Variants in LRRC74B observed in about 807,000 individuals in gnomAD.
The protein encoded by LRRC74B is leucine-rich repeat-containing protein 74B.
LRRC74B carries 30 observed loss-of-function variants against 16.6 expected under a neutral mutation model. That is an observed-to-expected ratio of 1.80 (90% CI 1.35 to 2.45). LRRC74B has a LOEUF of 2.45. Ranked by LOEUF, LRRC74B falls within the 30% of genes most tolerant of loss-of-function variation. The pLI, the probability that LRRC74B is intolerant of heterozygous loss-of-function variation, is 0.00. For missense variants in LRRC74B, 326 were observed against 202.4 expected (o/e 1.61, Z -3.71); for synonymous variants, 134 against 86.0 (o/e 1.56, Z -3.09).
chr22:21,047,093 G>GA (rs57891306), intron 1 of LRRC74B, among the ~76,000 whole-genome samples: 2,484 of 136,330 alleles, frequency 0.018, 66 homozygotes, highest in African/African-American at 0.055. Context: ...AGTCTGTCTC[G>GA]AAAAAAAAAA....
rs372005346 is a variant in LRRC74B at position 21,046,778 on chromosome 22, A to G, written c.140-578A>G. Among the ~76,000 whole-genome samples the G allele has an allele frequency of 7.2e-5, 11 of 151,908 alleles. No homozygotes were observed. The South Asian group carries it at 1.7e-3, about 23-fold the overall frequency. ...TCCTGAGTAGCTGGGACTACAGGAG[A>G]CCACCACGTCTGGCTAATATAAAAA... On this transcript the variant is annotated intron_variant, in intron 1 of 8. Transcript: ENST00000442047.
At chr22:21,059,282 G>C (rs1294532914) in intron 8 of LRRC74B, among the ~76,000 whole-genome samples, 1 of 152,226 alleles carries the variant, frequency 6.6e-6, no homozygotes, top group African/African-American at 2.4e-5. Context: ...CAGCTACTCA[G>C]GAGGCTGAGG....
exon 6 of LRRC74B, chr22:21,053,391 C>T (rs1451498898): frequency 2.8e-6 from 2 of 717,412 alleles, no homozygotes; most frequent in Non-Finnish European, 5.2e-6. Context: ...CTAGACATCT[C>T]ATACAATGGC....
chr22:21,057,533 C>G (rs1178193782), intron 8 of LRRC74B, among the ~76,000 whole-genome samples: 2 of 149,838 alleles, frequency 1.3e-5, no homozygotes, highest in African/African-American at 4.9e-5. Context: ...CCCTCTGCCC[C>G]TCCCCTGACT....
intron 6 of LRRC74B, among the ~76,000 whole-genome samples, 178 bp downstream of exon 6, chr22:21,053,653 T>G (rs1447060600): frequency 6.6e-6 from 1 of 152,226 alleles, no homozygotes; most frequent in Non-Finnish European, 1.5e-5. Flanking sequence ...AAACAGCATC[T>G]TGCTTTATTG....
At chr22:21,050,305 G>A (rs1178489371) in intron 4 of LRRC74B, among the ~76,000 whole-genome samples, 11 of 150,992 alleles carry the variant, frequency 7.3e-5, no homozygotes, top group Non-Finnish European at 1.3e-4. Context: ...AAAGTGCTGC[G>A]ATTACAGGTG....
intron 3 of LRRC74B, 28 bp from the exon 4 acceptor site, chr22:21,048,923 C>T: frequency 1.4e-6 from 1 of 711,340 alleles, no homozygotes; most frequent in Non-Finnish European, 2.6e-6. Flanking sequence ...TTGCATCCCA[C>T]TGGCCGAGGA....
intron 8 of LRRC74B, 95 bp from the exon 9 acceptor site, chr22:21,060,278 G>A (rs1411679965): frequency 2.4e-5 from 15 of 622,220 alleles, no homozygotes; most frequent in East Asian, 8.3e-5. Flanking sequence ...GAAGCTGCCC[G>A]AAGGAGCTTC....
At chr22:21,060,578 G>T (rs4051935), downstream of LRRC74B, 10 of 672,350 alleles carry the variant, frequency 1.5e-5, no homozygotes, top group East Asian at 8.2e-5. Context: ...GACCTCCAGG[G>T]TGAGGAGCTC....
upstream of LRRC74B, chr22:21,045,972 G>T: frequency 4.2e-6 from 3 of 717,226 alleles, no homozygotes; most frequent in East Asian, 5.4e-5. Flanking sequence ...CTGAGACTGC[G>T]AGAGGGTCGT....
chr22:21,060,217 C>T (rs1290155448), intron 8 of LRRC74B, among the ~76,000 whole-genome samples, 156 bp from the exon 9 acceptor site: 1 of 152,014 alleles, frequency 6.6e-6, no homozygotes, highest in Non-Finnish European at 1.5e-5. Context: ...TTGTCCCCTT[C>T]TCTCCTGGAT....
At chr22:21,051,163 A>G (rs574244094) in intron 4 of LRRC74B, among the ~76,000 whole-genome samples, 2 of 152,150 alleles carry the variant, frequency 1.3e-5, no homozygotes, top group East Asian at 3.9e-4. Flanking sequence ...ACAACAACAA[A>G]AAATACTTTC....
intron 6 of LRRC74B, among the ~76,000 whole-genome samples, 172 bp downstream of exon 6, chr22:21,053,647 A>G (rs760796722): frequency 3.5e-4 from 53 of 152,216 alleles, no homozygotes; most frequent in Non-Finnish European, 7.1e-4. Flanking sequence ...TATTTAAAAC[A>G]GCATCTTGCT....
At chr22:21,054,519 C>A (rs1601818306) in intron 6 of LRRC74B, among the ~76,000 whole-genome samples, 1 of 152,216 alleles carries the variant, frequency 6.6e-6, no homozygotes, top group Non-Finnish European at 1.5e-5. Flanking sequence ...GTGGCTGAGA[C>A]CCTCCCCAGG....
At chr22:21,060,134 C>CTT (rs1930739293) in intron 8 of LRRC74B, among the ~76,000 whole-genome samples, 2 of 152,134 alleles carry the variant, frequency 1.3e-5, no homozygotes, top group Non-Finnish European at 2.9e-5. Context: ...TGAGCCACTG[C>CTT]ACTCCAGCCT....
At chr22:21,052,188 G>A (rs1400886195) in intron 4 of LRRC74B, 61 bp from the exon 5 acceptor site, 1 of 714,176 alleles carries the variant, frequency 1.4e-6, no homozygotes, top group Non-Finnish European at 2.6e-6. Flanking sequence ...GTGGGCATCA[G>A]TGTGATCTTT....
chr22:21,063,548 TA>T (rs11320458), downstream of LRRC74B: 130,519 of 147,222 alleles, frequency 0.89, 57,931 homozygotes, highest in African/African-American at 0.95. Context: ...CTCAAAAACT[TA>T]AAAAAAAAAA....
At chr22:21,050,568 G>C (rs1381833606) in intron 4 of LRRC74B, among the ~76,000 whole-genome samples, 3 of 151,830 alleles carry the variant, frequency 2.0e-5, no homozygotes, top group Non-Finnish European at 4.4e-5. Flanking sequence ...CATGAGGTCA[G>C]GAGATCGAGA....
At chr22:21,046,406 C>G (rs1403696726) in intron 1 of LRRC74B, among the ~76,000 whole-genome samples, 2 of 146,416 alleles carry the variant, frequency 1.4e-5, no homozygotes, top group Non-Finnish European at 3.1e-5. Flanking sequence ...GAATTTAGAA[C>G]TATCTCGGTT....
Sources: gnomAD v4.1 joint callset for allele counts (sites outside exome capture counted in the v4.1 genomes callset) on GRCh38, gnomAD v4.1.1 for gene constraint, MANE v1.5 for transcripts, NCBI Gene and HGNC (gene_info 2026-07-23, HGNC 2026-07-21) for gene names.